Variants in TRDN observed in about 807,000 individuals in gnomAD.
TRDN encodes triadin in skeletal muscle.
TRDN carries 161 observed loss-of-function variants against 149.7 expected under a neutral mutation model. The observed-to-expected ratio is 1.08, with a 90% CI of 0.95 to 1.23. TRDN has a LOEUF of 1.23. TRDN is among the 50% of genes most tolerant of loss of function. The pLI is 0.00. For synonymous variants in TRDN, 294 were observed against 250.5 expected (o/e 1.17, Z -1.64); for missense variants, 896 against 823.5 (o/e 1.09, Z -1.08).
At chr6:123,361,866 A>C (rs935933917) in intron 20 of TRDN, among the ~76,000 whole-genome samples, 2 of 152,000 alleles carry the variant, frequency 1.3e-5, no homozygotes, top group Non-Finnish European at 2.9e-5. Context: ...TTATCTCATC[A>C]TGACCAGACA....
chr6:123,549,183 A>G (rs964068509), intron 2 of TRDN, among the ~76,000 whole-genome samples: 1 of 152,098 alleles, frequency 6.6e-6, no homozygotes, highest in African/African-American at 2.4e-5. Flanking sequence ...CCTGTACATG[A>G]AATAAAAAAG....
At position 123,556,637 on chromosome 6, in the gene TRDN, CTCT is replaced by C. The variant is rs367824454; in HGVS notation, c.233-8028_233-8026del. Among the ~76,000 whole-genome samples, 1,209 of 150,460 alleles carry C rather than the reference CTCT, an allele frequency of 8.0e-3. 15 individuals carry two copies. Among genetic ancestry groups the C allele is most frequent in the African/African-American group, 0.014 (583 of 40,892 alleles). ...CTTCCTCTTCCTCCTATTCCTCTTC[CTCT>C]TCTTCTTCTTCCTCTTCCTCTTCTT... is the stretch of plus-strand genomic sequence containing the variant. On this transcript the variant is annotated intron_variant, in intron 2 of 40. Transcript: ENST00000334268.
rs551817463 is a variant in TRDN, at chr6:123,350,493, A to G, written c.1369+2046T>C. 7.1e-6 allele frequency: 4 copies of G among 565,408 alleles called. No individual in the cohort carries two copies. The African/African-American group carries it at 8.1e-5, about 11-fold the overall frequency. The allele number at this position is 565,408 out of a possible 1,614,324, so 35.0% of individuals were successfully genotyped here. On this transcript the variant is annotated intron_variant, in intron 21 of 40. Transcript: ENST00000334268. ...AATTATAAACTAATAGATTATTTATACTTCTGAAGATAACTAAAAACTATG... is the reference window on the plus strand; with the variant it reads ...AATTATAAACTAATAGATTATTTATGCTTCTGAAGATAACTAAAAACTATG...
At chr6:123,393,581 G>C in intron 13 of TRDN, 43 bp downstream of exon 13, 1 of 1,554,208 alleles carries the variant, frequency 6.4e-7, no homozygotes, top group Non-Finnish European at 8.7e-7. Flanking sequence ...TGCTATAGAT[G>C]TTTAAAAAAA....
intron 12 of TRDN, among the ~76,000 whole-genome samples, chr6:123,412,794 T>A (rs114243708): frequency 2.0e-5 from 3 of 152,072 alleles, no homozygotes; most frequent in East Asian, 3.9e-4. Context: ...TTTAAAAAAA[T>A]TCTAAATAAT....
chr6:123,349,840 G>A, intron 21 of TRDN: 1 of 985,350 alleles, frequency 1.0e-6, no homozygotes, highest in Non-Finnish European at 1.2e-6. Flanking sequence ...CTGATAAGGT[G>A]GATGAGGACA....
intron 24 of TRDN, among the ~76,000 whole-genome samples, chr6:123,307,157 A>G (rs1280278348): frequency 6.6e-6 from 1 of 152,076 alleles, no homozygotes; most frequent in African/African-American, 2.4e-5. Flanking sequence ...GTTATTGGTC[A>G]CCTTTATAGG....
At chr6:123,609,599 G>A (rs1784691408) in intron 1 of TRDN, among the ~76,000 whole-genome samples, 1 of 152,068 alleles carries the variant, frequency 6.6e-6, no homozygotes, top group Admixed American at 6.6e-5. Flanking sequence ...GCAAAACACA[G>A]ATGGAACAAA....
intron 21 of TRDN, chr6:123,349,991 C>T: frequency 1.0e-6 from 1 of 985,338 alleles, no homozygotes. Flanking sequence ...CAAGTGGACA[C>T]AAATTAGCCC....
intron 1 of TRDN, among the ~76,000 whole-genome samples, chr6:123,630,130 G>A (rs1230425939): frequency 1.3e-5 from 2 of 149,628 alleles, no homozygotes; most frequent in Non-Finnish European, 2.9e-5. Context: ...TGATGTTAAT[G>A]CATAGTTGCC....
chr6:123,423,090 A>T (rs966950833), intron 12 of TRDN, among the ~76,000 whole-genome samples: 1 of 152,172 alleles, frequency 6.6e-6, no homozygotes, highest in Non-Finnish European at 1.5e-5. Flanking sequence ...TGTGTTTATT[A>T]ATAGTTTGGA....
chr6:123,498,976 T>C (rs1778567478), intron 8 of TRDN, among the ~76,000 whole-genome samples: 1 of 152,032 alleles, frequency 6.6e-6, no homozygotes, highest in South Asian at 2.1e-4. Context: ...GGCTCCATCA[T>C]CCAAAAAAAA....
At chr6:123,489,254 T>C (rs1778105163) in intron 9 of TRDN, among the ~76,000 whole-genome samples, 1 of 152,092 alleles carries the variant, frequency 6.6e-6, no homozygotes. Flanking sequence ...AACATGTACA[T>C]ATATATCTTT....
Position 123,628,580 on chromosome 6 carries a change from G to A in TRDN, c.22+8174C>T, listed in dbSNP as rs891293615. On this transcript the variant is annotated intron_variant, in intron 1 of 40. Coordinates refer to ENST00000334268, the MANE Select transcript of TRDN (RefSeq NM_006073.4). ...AACGCATGCTGTTGGAAAAATGGTG[G>A]TGATAGCTTTATTCATTTTCTTTGA... 3.3e-5 allele frequency among the ~76,000 whole-genome samples: 5 copies of A among 152,042 alleles called. No homozygotes were observed. The East Asian group carries it at 9.6e-4, about 29-fold the overall frequency.
chr6:123,327,281 T>TA lies in TRDN; in HGVS notation c.1471+4597dup, dbSNP rs199742133. On this transcript the variant is annotated intron_variant, in intron 23 of 40. Coordinates refer to ENST00000334268, the MANE Select transcript of TRDN (RefSeq NM_006073.4). ...TATCATTTTAATTAAAGCAATTCTA[T>TA]AAAAAATAACTATATTTGGTCAGGC... is the stretch of plus-strand genomic sequence containing the variant. Among the ~76,000 whole-genome samples the TA allele has an allele frequency of 6.2e-3, 944 of 152,162 alleles. 18 individuals carry two copies. Among genetic ancestry groups the TA allele is most frequent in the Admixed American group, 0.034 (519 of 15,254 alleles).
At chr6:123,416,481 T>C (rs1773653442) in intron 12 of TRDN, among the ~76,000 whole-genome samples, 1 of 152,182 alleles carries the variant, frequency 6.6e-6, no homozygotes, top group Non-Finnish European at 1.5e-5. Flanking sequence ...TCCAAGTCTC[T>C]GTTCAGATAG....
At chr6:123,343,851 G>A (rs1403626267) in intron 21 of TRDN, among the ~76,000 whole-genome samples, 1 of 151,998 alleles carries the variant, frequency 6.6e-6, no homozygotes, top group African/African-American at 2.4e-5. Flanking sequence ...GACTGAACGT[G>A]TCCCTTCAAA....
chr6:123,478,813 T>C (rs1287687578), intron 9 of TRDN, among the ~76,000 whole-genome samples: 1 of 152,190 alleles, frequency 6.6e-6, no homozygotes, highest in African/African-American at 2.4e-5. Flanking sequence ...TTAGCTCTTT[T>C]AGCCCTTCTT....
intron 23 of TRDN, among the ~76,000 whole-genome samples, chr6:123,323,811 A>G (rs1400135994): frequency 6.6e-6 from 1 of 152,188 alleles, no homozygotes; most frequent in Non-Finnish European, 1.5e-5. Context: ...CACTTCTGAT[A>G]GTGTCACTCT....
Sources: gnomAD v4.1 joint callset for allele counts (sites outside exome capture counted in the v4.1 genomes callset) on GRCh38, gnomAD v4.1.1 for gene constraint, MANE v1.5 for transcripts, NCBI Gene and HGNC (gene_info 2026-07-23, HGNC 2026-07-21) for gene names.